Variants in PCYT1A observed in about 807,000 individuals in gnomAD.
PCYT1A encodes the protein choline-phosphate cytidylyltransferase A.
A neutral mutation model predicts 43.7 loss-of-function variants in PCYT1A; 25 were observed. That is an observed-to-expected ratio of 0.57 (90% CI 0.42 to 0.80). PCYT1A has a LOEUF of 0.80. Ranked by LOEUF, PCYT1A falls within the 30% of genes least tolerant of loss-of-function variation. The probability of loss-of-function intolerance (pLI) is 0.00; values close to 1 mark genes in which losing one functional copy is unlikely to be tolerated. For synonymous variants in PCYT1A, 172 were observed against 170.7 expected (o/e 1.01, Z -0.06); for missense variants, 421 against 474.2 (o/e 0.89, Z 1.04).
chr3:196,247,320 G>A lies in PCYT1A; in HGVS notation c.486+47C>T, dbSNP rs1211861309. ...CTACGTGCCAGCAGCTTTGAGAGTT[G>A]AGGGGATTCTGAAACAAGGAATGGG... is the stretch of plus-strand genomic sequence containing the variant. On this transcript the variant is annotated intron_variant, in intron 5 of 8. Coordinates refer to ENST00000431016, the MANE Select transcript of PCYT1A (RefSeq NM_001312673.2). The surrounding 1 kb of genome is among the most constrained non-coding windows in gnomAD (Gnocchi z 4.8). 1.2e-6 allele frequency: 2 copies of A among 1,600,114 alleles called. No individual in the cohort carries two copies. Among genetic ancestry groups the A allele is most frequent in the South Asian group, 2.2e-5 (2 of 90,450 alleles).
At position 196,247,234 on chromosome 3, in the gene PCYT1A, G is replaced by T; in HGVS notation, c.486+133C>A. The T allele has an allele frequency of 1.1e-6, 1 of 906,032 alleles. No homozygotes were observed. Among genetic ancestry groups the T allele is most frequent in the Non-Finnish European group, 1.8e-6 (1 of 565,846 alleles). 56.1% of individuals were successfully genotyped at this position (906,032 alleles called of 1,614,324 possible). ...GACTGTTATCACTAGTAATATCACT[G>T]TCATCTCCTACGAAACTTACATAAG... is the stretch of plus-strand genomic sequence containing the variant. On this transcript the variant is annotated intron_variant, in intron 5 of 8. Transcript: ENST00000431016. The surrounding 1 kb of genome is among the most constrained non-coding windows in gnomAD (Gnocchi z 4.8).
chr3:196,278,318 C>T (rs3772108), intron 1 of PCYT1A, among the ~76,000 whole-genome samples: 35,789 of 152,122 alleles, frequency 0.24, 5,848 homozygotes, highest in East Asian at 0.76. Flanking sequence ...ATGATAAGTG[C>T]GCCTCTGTCA....
intron 1 of PCYT1A, among the ~76,000 whole-genome samples, chr3:196,274,465 A>C (rs1688562738): frequency 6.6e-6 from 1 of 152,128 alleles, no homozygotes; most frequent in African/African-American, 2.4e-5. Context: ...CGTTTTTCTT[A>C]AGTAACACAA....
chr3:196,242,610 A>G lies in PCYT1A; in HGVS notation c.517T>C (p.Tyr173His). Residue 173 changes from tyrosine (Y) to histidine (H), a missense_variant, in exon 6 of 9, where the codon TAT (tyrosine) becomes CAT (histidine). By Grantham distance (83) the Tyr-to-His change is moderately conservative. This residue lies in a region of PCYT1A where 174 missense variants were observed against 270.7 expected (regional missense o/e 0.64). Coordinates refer to ENST00000431016, the MANE Select transcript of PCYT1A (RefSeq NM_001312673.2). The surrounding 1 kb of genome is among the most constrained non-coding windows in gnomAD (Gnocchi z 4.2). ...IDFVAHDDIP[Y>H]SSAGSDDVYK... is the part of the protein sequence containing the mutation. ...ACATCATCACTGCCAGCAGATGAAT[A>G]AGGAATATCATCATGGGCTACAAAA... 6.2e-7 allele frequency: 1 copy of G among 1,610,870 alleles called. No homozygotes were observed. The highest frequency in any genetic ancestry group is 8.5e-7 in the Non-Finnish European group (1 of 1,177,000).
chr3:196,267,388 T>C (rs1008753772), intron 2 of PCYT1A: 1 of 454,336 alleles, frequency 2.2e-6, no homozygotes, highest in Non-Finnish European at 4.4e-6. Flanking sequence ...GGGGAGTGAC[T>C]GCTAATGAGT....
At chr3:196,270,602 G>T in intron 1 of PCYT1A, 61 bp from the exon 2 acceptor site, 1 of 1,035,534 alleles carries the variant, frequency 9.7e-7, no homozygotes, top group Non-Finnish European at 1.5e-6. Context: ...TTTGTCACCA[G>T]TATTTCAGAG....
chr3:196,279,826 CTTTTTT>C (rs397723929), intron 1 of PCYT1A, among the ~76,000 whole-genome samples: 2 of 50,928 alleles, frequency 3.9e-5, no homozygotes, highest in Non-Finnish European at 3.3e-5. Flanking sequence ...CCAGTCCTTT[CTTTTTT>C]TTTTTTTTTT....
At chr3:196,243,950 C>T (rs1278485528) in intron 5 of PCYT1A, among the ~76,000 whole-genome samples, 5 of 152,212 alleles carry the variant, frequency 3.3e-5, no homozygotes, top group African/African-American at 4.8e-5. Context: ...TCTGCCCGGC[C>T]GCCACCCCGT....
chr3:196,259,471 C>T (rs984791214), intron 2 of PCYT1A, among the ~76,000 whole-genome samples: 2 of 152,082 alleles, frequency 1.3e-5, no homozygotes, highest in East Asian at 1.9e-4. Flanking sequence ...TGGGAAGATA[C>T]TGTTTTGTTT....
chr3:196,284,215 A>T (rs534500952), intron 1 of PCYT1A, among the ~76,000 whole-genome samples: 1 of 152,330 alleles, frequency 6.6e-6, no homozygotes, highest in Admixed American at 6.5e-5. Context: ...GCTATTATCC[A>T]TCATTAATAA....
Position 196,236,151 on chromosome 3 carries a change from G to A in PCYT1A, c.*2537C>T, listed in dbSNP as rs1441632122. 6.6e-6 allele frequency: 1 copy of A among 152,222 alleles called. No individual in the cohort carries two copies. The highest frequency in any genetic ancestry group is 1.5e-5 in the Non-Finnish European group (1 of 68,042). The allele number at this position is 152,222 out of a possible 1,614,324, so 9.4% of individuals were successfully genotyped here. A position where few individuals can be genotyped will look rare whatever the true frequency, so the allele number is the denominator to read the frequency against. On this transcript the variant is annotated 3_prime_UTR_variant, in exon 9 of 9. Coordinates refer to ENST00000431016, the MANE Select transcript of PCYT1A (RefSeq NM_001312673.2). ...CCAAGAGCAGCCCACTGAGAGCAGA[G>A]GAAGAGGGCTCAAACATTTGGGACC...
At chr3:196,248,979 CTCGA>C (rs2108766990) in intron 3 of PCYT1A, among the ~76,000 whole-genome samples, 1 of 151,734 alleles carries the variant, frequency 6.6e-6, no homozygotes, top group East Asian at 2.0e-4. Context: ...ACAGGATGGT[CTCGA>C]TCTCCTGACC....
rs562380083 is a variant in PCYT1A at position 196,243,768 on chromosome 3, G to A, written c.487-1128C>T. Among the ~76,000 whole-genome samples the A allele has an allele frequency of 4.7e-3, 716 of 152,370 alleles. 4 individuals carry two copies. Among genetic ancestry groups the A allele is most frequent in the African/African-American group, 0.016 (677 of 41,592 alleles). ...CCGGGCTGGTCTCCAGCTCCTAACC[G>A]CGAGTGATCCGCCAGCCTCGGCCTC... On this transcript the variant is annotated intron_variant, in intron 5 of 8. Coordinates refer to ENST00000431016, the MANE Select transcript of PCYT1A (RefSeq NM_001312673.2).
At chr3:196,259,814 C>A (rs1420351782) in intron 2 of PCYT1A, among the ~76,000 whole-genome samples, 16 of 146,308 alleles carry the variant, frequency 1.1e-4, no homozygotes, top group African/African-American at 4.0e-4. Flanking sequence ...CACTGCACTC[C>A]AGCCTGGGCA....
intron 3 of PCYT1A, chr3:196,250,485 G>GGCTGAGGACCAGATACACTAT (rs1264614023): frequency 6.1e-6 from 1 of 163,294 alleles, no homozygotes; most frequent in Non-Finnish European, 1.3e-5. Flanking sequence ...ACTATGCTGA[G>GGCTGAGGACCAGATACACTAT]GCTGAGGACC....
chr3:196,252,142 C>T lies in PCYT1A; in HGVS notation c.218-3819G>A, dbSNP rs914951371. 6.6e-6 allele frequency among the ~76,000 whole-genome samples: 1 copy of T among 151,656 alleles called. No homozygotes were observed. Among genetic ancestry groups the T allele is most frequent in the African/African-American group, 2.4e-5 (1 of 41,402 alleles). ...CCGCCACGCCCCACTGGCTACAGTGCACACCGCCACGCCCCACTGGCTACA... is the reference window on the plus strand; with the variant it reads ...CCGCCACGCCCCACTGGCTACAGTGTACACCGCCACGCCCCACTGGCTACA... On this transcript the variant is annotated intron_variant, in intron 3 of 8. Transcript: ENST00000431016. The surrounding 1 kb of genome is among the most constrained non-coding windows in gnomAD (Gnocchi z 4.0).
At chr3:196,269,902 C>A (rs1725381187) in intron 2 of PCYT1A, among the ~76,000 whole-genome samples, 1 of 149,206 alleles carries the variant, frequency 6.7e-6, no homozygotes, top group Non-Finnish European at 1.5e-5. Flanking sequence ...GAGATAGGGT[C>A]TGTCTCTGTT....
intron 2 of PCYT1A, among the ~76,000 whole-genome samples, chr3:196,262,211 T>C (rs73891233): frequency 0.015 from 2,225 of 152,240 alleles, 58 homozygotes; most frequent in African/African-American, 0.051. Flanking sequence ...TGAAAGAACA[T>C]GGGGTTAGGA....
At chr3:196,249,380 A>G (rs1017199016) in intron 3 of PCYT1A, among the ~76,000 whole-genome samples, 1 of 147,488 alleles carries the variant, frequency 6.8e-6, no homozygotes. Flanking sequence ...GACTCAAGCA[A>G]TCCCACCTTG....
Sources: gnomAD v4.1 joint callset for allele counts (sites outside exome capture counted in the v4.1 genomes callset) on GRCh38, gnomAD v4.1.1 for gene constraint, gnomAD v4.1.1 regional missense constraint, Gnocchi (gnomAD v3.1) non-coding constraint, MANE v1.5 for transcripts, NCBI Gene and HGNC (gene_info 2026-07-23, HGNC 2026-07-21) for gene names.